Variants in COLEC12 observed in about 807,000 individuals in gnomAD.
COLEC12 encodes collectin subfamily member 12.
Under a neutral mutation model 71.1 loss-of-function variants are expected in COLEC12, and 33 were observed. The observed-to-expected ratio is 0.46, with a 90% confidence interval of 0.35 to 0.62. COLEC12 has a LOEUF of 0.62. Ranked by LOEUF, COLEC12 falls within the 20% of genes least tolerant of loss-of-function variation. The pLI, the probability that COLEC12 is intolerant of heterozygous loss-of-function variation, is 0.00. For synonymous variants in COLEC12, 350 were observed against 353.0 expected, an observed-to-expected ratio of 0.99 and a Z score of 0.10; for missense variants, 765 against 916.1, an observed-to-expected ratio of 0.84 and a Z score of 2.13.
chr18:479,851 C>T (rs576728504), intron 2 of COLEC12, among the ~76,000 whole-genome samples: 58 of 152,334 alleles, frequency 3.8e-4, no homozygotes, highest in Middle Eastern at 3.4e-3. Flanking sequence ...GATTTCTCCT[C>T]TTACAGTTCT....
chr18:340,048 T>C (rs916458862), intron 5 of COLEC12, among the ~76,000 whole-genome samples: 2 of 75,114 alleles, frequency 2.7e-5, no homozygotes, highest in Admixed American at 1.6e-4. Context: ...TGAAATAAAA[T>C]AGAAGCTACC....
intron 2 of COLEC12, among the ~76,000 whole-genome samples, chr18:360,553 C>T (rs1236096708): frequency 6.8e-6 from 1 of 147,546 alleles, no homozygotes; most frequent in Non-Finnish European, 1.5e-5. Context: ...GCTGATGCTG[C>T]GGTCTGTGGA....
chr18:394,797 T>C (rs1915534723), intron 2 of COLEC12, among the ~76,000 whole-genome samples: 1 of 152,208 alleles, frequency 6.6e-6, no homozygotes, highest in South Asian at 2.1e-4. Flanking sequence ...CCTACTGTTC[T>C]TCCCATGACA....
chr18:419,196 CTATT>C (rs1197706589), intron 2 of COLEC12, among the ~76,000 whole-genome samples: 3 of 139,658 alleles, frequency 2.1e-5, no homozygotes, highest in Non-Finnish European at 1.5e-5. Context: ...CTATTCTATT[CTATT>C]CTATTCTATT....
chr18:477,764 C>T (rs1052585046), intron 2 of COLEC12, among the ~76,000 whole-genome samples: 1 of 152,160 alleles, frequency 6.6e-6, no homozygotes, highest in African/African-American at 2.4e-5. Flanking sequence ...GGCAGGTGTC[C>T]CCCTGCTGGT....
chr18:332,320 A>G (rs1914002276), intron 7 of COLEC12, among the ~76,000 whole-genome samples: 1 of 152,190 alleles, frequency 6.6e-6, no homozygotes, highest in Admixed American at 6.5e-5. Flanking sequence ...ACATCTGTTT[A>G]CAGGATTGTG....
rs1917388329 is a variant in COLEC12 at position 480,292 on chromosome 18, A to T, written c.58+415T>A. 6.6e-6 allele frequency among the ~76,000 whole-genome samples: 1 copy of T among 152,232 alleles called. No individual in the cohort carries two copies. The highest frequency in any genetic ancestry group is 1.5e-5 in the Non-Finnish European group (1 of 68,044). ...CTGTGTCCAGGCAGATTCTTGGAAG[A>T]AGTCTCCCTCTCACTCATCCATGAA... On this transcript the variant is annotated intron_variant, in intron 2 of 9. Transcript: ENST00000400256. This position sits in a 1 kb window ranked among gnomAD's most constrained non-coding sequence, Gnocchi z 4.1.
intron 5 of COLEC12, among the ~76,000 whole-genome samples, chr18:342,207 G>A (rs528255242): frequency 6.6e-6 from 1 of 151,968 alleles, no homozygotes; most frequent in South Asian, 2.1e-4. Context: ...ACGGGCATGT[G>A]CCACCACGCC....
chr18:373,542 T>C (rs1347173997), intron 2 of COLEC12, among the ~76,000 whole-genome samples: 1 of 152,244 alleles, frequency 6.6e-6, no homozygotes, highest in African/African-American at 2.4e-5. Context: ...TAGTTTATTG[T>C]ATATAATTAT....
chr18:474,188 C>A (rs960148351), intron 2 of COLEC12, among the ~76,000 whole-genome samples: 1 of 152,174 alleles, frequency 6.6e-6, no homozygotes, highest in Non-Finnish European at 1.5e-5. Flanking sequence ...AACACTGAGG[C>A]CTGAAATCAG....
chr18:474,844 A>T (rs1318053468), intron 2 of COLEC12, among the ~76,000 whole-genome samples: 1 of 152,120 alleles, frequency 6.6e-6, no homozygotes, highest in Admixed American at 6.6e-5. Flanking sequence ...AGGCCAAGGC[A>T]GGCGGATCAC....
intron 2 of COLEC12, among the ~76,000 whole-genome samples, chr18:400,739 C>A (rs13381577): frequency 0.23 from 34,565 of 152,152 alleles, 4,154 homozygotes; most frequent in Middle Eastern, 0.28. Flanking sequence ...TGCCTGAGCA[C>A]ATGGCTGTCG....
chr18:369,407 A>ATT (rs1472068577), intron 2 of COLEC12, among the ~76,000 whole-genome samples: 2 of 116,208 alleles, frequency 1.7e-5, no homozygotes, highest in Non-Finnish European at 3.6e-5. Flanking sequence ...ATTTTTTTTT[A>ATT]TTTTTATTTT....
chr18:434,554 G>T (rs996878006), intron 2 of COLEC12, among the ~76,000 whole-genome samples: 2 of 152,096 alleles, frequency 1.3e-5, no homozygotes, highest in Non-Finnish European at 2.9e-5. Context: ...ACCTCTCTTG[G>T]CCACTCTTCC....
Position 500,667 on chromosome 18 carries a change from C to T in COLEC12, c.-153G>A. ...CCCGTCCTCCCTCGCCGCCGCCGGC[C>T]CGCGCTCCCCGCGCTCCCGGCTCCG... is the stretch of plus-strand genomic sequence containing the variant. On this transcript the variant is annotated 5_prime_UTR_variant, in exon 1 of 10. Transcript: ENST00000400256. The surrounding 1 kb of genome is among the most constrained non-coding windows in gnomAD (Gnocchi z 5.3). 1 of 344,636 alleles carries T rather than the reference C, an allele frequency of 2.9e-6. No homozygotes were observed. 21.3% of individuals were successfully genotyped at this position (344,636 alleles called of 1,614,324 possible). A position where few individuals can be genotyped will look rare whatever the true frequency, so the allele number is the denominator to read the frequency against.
intron 5 of COLEC12, among the ~76,000 whole-genome samples, chr18:336,783 C>T (rs1914128022): frequency 6.6e-6 from 1 of 152,132 alleles, no homozygotes; most frequent in Admixed American, 6.6e-5. Context: ...CTTAGAGTTT[C>T]TGAAATCTCA....
At chr18:356,955 G>T (rs893509742) in intron 3 of COLEC12, among the ~76,000 whole-genome samples, 6 of 152,294 alleles carry the variant, frequency 3.9e-5, no homozygotes, top group African/African-American at 1.2e-4. Context: ...AGAGAAAAAA[G>T]GGAATTAGTT....
chr18:389,170 G>T (rs575728300), intron 2 of COLEC12, among the ~76,000 whole-genome samples: 19 of 149,952 alleles, frequency 1.3e-4, no homozygotes, highest in African/African-American at 4.6e-4. Flanking sequence ...GAAAAGTAGG[G>T]GATATAAAAA....
At chr18:342,683 G>A (rs150490897) in intron 5 of COLEC12, among the ~76,000 whole-genome samples, 1 of 152,254 alleles carries the variant, frequency 6.6e-6, no homozygotes. Flanking sequence ...TCAGTCTCTC[G>A]TTCCCTTAGA....
Sources: gnomAD v4.1 joint callset for allele counts (sites outside exome capture counted in the v4.1 genomes callset) on GRCh38, gnomAD v4.1.1 for gene constraint, Gnocchi (gnomAD v3.1) non-coding constraint, MANE v1.5 for transcripts, NCBI Gene and HGNC (gene_info 2026-07-23, HGNC 2026-07-21) for gene names.